OPHN1: variants seen among roughly 807,000 people sequenced by gnomAD.
The protein encoded by OPHN1 is oligophrenin 1.
Under a neutral mutation model 60.7 loss-of-function variants are expected in OPHN1, and 11 were observed. That is an observed-to-expected ratio of 0.18 (90% confidence interval 0.11 to 0.30). The LOEUF (loss-of-function observed/expected upper bound fraction) is 0.30. Among genes scored for constraint, OPHN1 ranks in the 10% least tolerant of loss-of-function variants. The pLI is 1.00. For synonymous variants in OPHN1, 226 were observed against 222.6 expected (o/e 1.02, Z -0.14); for missense variants, 449 against 611.0 (o/e 0.73, Z 2.80).
chrX:68,318,242 A>G (rs2078218927), intron 2 of OPHN1, among the ~76,000 whole-genome samples: 1 of 112,114 alleles, frequency 8.9e-6, no homozygotes, highest in South Asian at 3.7e-4. Context: ...ACCGAAAACA[A>G]AACACAGACA....
intron 5 of OPHN1, among the ~76,000 whole-genome samples, chrX:68,266,811 C>A (rs1346722269): frequency 9.1e-6 from 1 of 110,331 alleles, no homozygotes. Context: ...CACATAGGCT[C>A]AAAATAAAGG....
chrX:68,424,940 TACTA>T (rs1252552496), intron 2 of OPHN1, among the ~76,000 whole-genome samples: 1 of 112,070 alleles, frequency 8.9e-6, no homozygotes, highest in Non-Finnish European at 1.9e-5. Flanking sequence ...CATCTATTAA[TACTA>T]ACAGCAGTAC....
intron 18 of OPHN1, among the ~76,000 whole-genome samples, chrX:68,100,881 G>A (rs781217683): frequency 9.1e-6 from 1 of 110,363 alleles, no homozygotes; most frequent in East Asian, 2.9e-4. Flanking sequence ...CGAGTAGCTG[G>A]GACTACAGGT....
chrX:68,246,924 G>A (rs1156287998), intron 5 of OPHN1, among the ~76,000 whole-genome samples: 1 of 111,459 alleles, frequency 9.0e-6, no homozygotes, highest in African/African-American at 3.3e-5. Context: ...CCAGTAAGAG[G>A]TGGGTTAAAC....
At chrX:68,370,908 C>T (rs997455797) in intron 2 of OPHN1, among the ~76,000 whole-genome samples, 1 of 110,817 alleles carries the variant, frequency 9.0e-6, no homozygotes, top group African/African-American at 3.3e-5. Flanking sequence ...CGGTCCACTA[C>T]AAAAAAATCA....
At chrX:68,211,203 C>T (rs1319924613) in intron 8 of OPHN1, among the ~76,000 whole-genome samples, 2 of 18,259 alleles carry the variant, frequency 1.1e-4, no homozygotes, top group African/African-American at 2.4e-4. Context: ...TCCTAAACAA[C>T]CAAGGGGGGC....
intron 5 of OPHN1, among the ~76,000 whole-genome samples, chrX:68,260,145 C>A (rs369884126): frequency 9.7e-6 from 1 of 103,053 alleles, no homozygotes. Context: ...CTTTGTGATT[C>A]TTTTTTTTTT....
intron 4 of OPHN1, among the ~76,000 whole-genome samples, chrX:68,275,614 C>T (rs1409552943): frequency 9.0e-6 from 1 of 111,363 alleles, no homozygotes; most frequent in African/African-American, 3.3e-5. Flanking sequence ...GGAATCATTG[C>T]ATTAATTTTT....
chrX:68,109,732 G>T (rs775148807), intron 18 of OPHN1, among the ~76,000 whole-genome samples: 1 of 111,624 alleles, frequency 9.0e-6, no homozygotes, highest in Admixed American at 9.5e-5. Flanking sequence ...TACAGCCAGA[G>T]ATTTTTTATG....
rs147463772 is a variant in OPHN1, at chrX:68,344,815, A to G, written c.155-45719T>C. 3.2e-3 allele frequency among the ~76,000 whole-genome samples: 361 copies of G among 112,557 alleles called. 1 individual carries two copies. The highest frequency in any genetic ancestry group is 2.8e-3 in the Non-Finnish European group (149 of 53,368). On this transcript the variant is annotated intron_variant, in intron 2 of 24. Transcript: ENST00000355520. ...AGGTTTTATTTTTTAATAAAATGCT[A>G]TGCTTATAGGACTGCAAGAAAACAC...
At chrX:68,148,314 A>G (rs1000269313) in intron 15 of OPHN1, among the ~76,000 whole-genome samples, 4 of 111,553 alleles carry the variant, frequency 3.6e-5, no homozygotes, top group Admixed American at 9.6e-5. Context: ...CCTTGCTAGT[A>G]TCAGGGTTGT....
chrX:68,135,934 T>A (rs970907521), intron 15 of OPHN1, among the ~76,000 whole-genome samples: 6 of 111,722 alleles, frequency 5.4e-5, no homozygotes, highest in African/African-American at 2.0e-4. Context: ...AAATGTCTAA[T>A]AGAAATTCAG....
chrX:68,082,752 G>T (rs922819358), intron 19 of OPHN1, among the ~76,000 whole-genome samples: 2 of 112,095 alleles, frequency 1.8e-5, no homozygotes, highest in African/African-American at 6.5e-5. Flanking sequence ...ATGAGCCTTG[G>T]CTTCACCAGC....
chrX:68,426,177 A>G (rs1466740914), intron 2 of OPHN1, among the ~76,000 whole-genome samples: 2 of 109,422 alleles, frequency 1.8e-5, no homozygotes, highest in Non-Finnish European at 3.8e-5. Context: ...ACAGTGTCTC[A>G]CGCCTGTAAT....
At chrX:68,355,043 G>A (rs1012043173) in intron 2 of OPHN1, among the ~76,000 whole-genome samples, 1 of 112,005 alleles carries the variant, frequency 8.9e-6, no homozygotes, top group Non-Finnish European at 1.9e-5. Context: ...GAGACTCTGA[G>A]TGACTAGGCT....
chrX:68,086,288 C>T (rs1057255001), intron 19 of OPHN1, among the ~76,000 whole-genome samples: 9 of 111,054 alleles, frequency 8.1e-5, no homozygotes, highest in Non-Finnish European at 1.7e-4. Context: ...AAACCAGTTC[C>T]TATGCATCTC....
At chrX:68,237,576 T>C (rs1207500935) in intron 5 of OPHN1, among the ~76,000 whole-genome samples, 1 of 112,660 alleles carries the variant, frequency 8.9e-6, no homozygotes, top group Non-Finnish European at 1.9e-5. Context: ...GCACATCTTT[T>C]GTTAAATTTA....
At chrX:68,265,061 C>T (rs1349338697) in intron 5 of OPHN1, among the ~76,000 whole-genome samples, 1 of 112,622 alleles carries the variant, frequency 8.9e-6, no homozygotes, top group Non-Finnish European at 1.9e-5. Flanking sequence ...CCCACCGCAG[C>T]TCAAGGAGGC....
chrX:68,350,492 C>CCTCCTTTCCTCCT (rs1446478237), intron 2 of OPHN1, among the ~76,000 whole-genome samples: 1 of 77,169 alleles, frequency 1.3e-5, no homozygotes, highest in Non-Finnish European at 2.3e-5. Flanking sequence ...CCCTTCCTCC[C>CCTCCTTTCCTCCT]TTCCTCCTTT....
Sources: gnomAD v4.1 joint callset for allele counts (sites outside exome capture counted in the v4.1 genomes callset) on GRCh38, gnomAD v4.1.1 for gene constraint, MANE v1.5 for transcripts, NCBI Gene and HGNC (gene_info 2026-07-23, HGNC 2026-07-21) for gene names.